Variants in HCRTR2 observed in about 807,000 individuals in gnomAD.
HCRTR2 encodes hypocretin receptor 2.
HCRTR2 carries 22 observed loss-of-function variants against 49.0 expected under a neutral mutation model. The observed-to-expected ratio is 0.45, with a 90% confidence interval of 0.32 to 0.64. HCRTR2 has a LOEUF of 0.64. HCRTR2 is among the 30% of genes least tolerant of loss of function. The pLI is 0.04. For synonymous variants in HCRTR2, 236 were observed against 205.3 expected (o/e 1.15, Z -1.28); for missense variants, 491 against 559.4 (o/e 0.88, Z 1.23).
chr6:55,175,492 T>A (rs9367621), intron 1 of HCRTR2, among the ~76,000 whole-genome samples: 92,160 of 151,814 alleles, frequency 0.61, 28,081 homozygotes, highest in East Asian at 0.68. Context: ...CCATTCATTC[T>A]TACATCCATT....
chr6:55,238,576 G>A (rs370261346), intron 1 of HCRTR2, among the ~76,000 whole-genome samples: 49 of 151,896 alleles, frequency 3.2e-4, no homozygotes, highest in African/African-American at 1.0e-3. Flanking sequence ...ACACACACAC[G>A]CTCACACACA....
intron 1 of HCRTR2, among the ~76,000 whole-genome samples, chr6:55,184,867 C>T (rs1765191695): frequency 6.6e-6 from 1 of 152,166 alleles, no homozygotes; most frequent in Non-Finnish European, 1.5e-5. Flanking sequence ...TTTGTCACTA[C>T]ATTGCTAGAA....
chr6:55,123,994 G>T (rs1367165150), intron 1 of HCRTR2, among the ~76,000 whole-genome samples: 1 of 151,912 alleles, frequency 6.6e-6, no homozygotes, highest in Admixed American at 6.6e-5. Context: ...TTTTTATTGT[G>T]TCTATTTGAT....
chr6:55,191,061 G>T (rs762970138), intron 1 of HCRTR2, among the ~76,000 whole-genome samples: 1 of 152,132 alleles, frequency 6.6e-6, no homozygotes, highest in Non-Finnish European at 1.5e-5. Context: ...TGGCAAGAAA[G>T]CAAGAAATTA....
chr6:55,236,309 C>G (rs1356779821), intron 1 of HCRTR2, among the ~76,000 whole-genome samples: 1 of 151,850 alleles, frequency 6.6e-6, no homozygotes, highest in Non-Finnish European at 1.5e-5. Context: ...TTAATAGAAA[C>G]ATAATTGATT....
chr6:55,176,078 G>C (rs1193181590), intron 1 of HCRTR2, among the ~76,000 whole-genome samples: 1 of 152,164 alleles, frequency 6.6e-6, no homozygotes, highest in Admixed American at 6.5e-5. Flanking sequence ...CAGGCTTTCA[G>C]ACTAACCTGA....
chr6:55,240,775 G>A (rs1044192308), intron 1 of HCRTR2: 2 of 426,516 alleles, frequency 4.7e-6, no homozygotes, highest in Non-Finnish European at 9.5e-6. Flanking sequence ...GATTTTGGAT[G>A]ACTGCATTCC....
At position 55,282,531 on chromosome 6, in the gene HCRTR2, C is replaced by A; in HGVS notation, c.*77C>A. 2.5e-6 allele frequency: 2 copies of A among 806,644 alleles called. No individual in the cohort carries two copies. Among genetic ancestry groups the A allele is most frequent in the Non-Finnish European group, 4.1e-6 (2 of 482,904 alleles). 50.0% of individuals were successfully genotyped at this position (806,644 alleles called of 1,614,324 possible). ...TCACTGGGAACAGAAATTTTATTAT[C>A]CTATGATGTGAAGCTAAAATTACTT... On this transcript the variant is annotated 3_prime_UTR_variant, in exon 7 of 7. Transcript: ENST00000370862.
At chr6:55,120,385 T>C (rs1470058922) in intron 1 of HCRTR2, among the ~76,000 whole-genome samples, 2 of 152,234 alleles carry the variant, frequency 1.3e-5, no homozygotes, top group Non-Finnish European at 2.9e-5. Flanking sequence ...TTCCTATCCA[T>C]GAGCATGGAA....
chr6:55,163,305 C>T (rs1018351589), intron 1 of HCRTR2, among the ~76,000 whole-genome samples: 1 of 151,694 alleles, frequency 6.6e-6, no homozygotes, highest in Admixed American at 6.6e-5. Context: ...TAAAAAAGAG[C>T]CCATATAGCC....
At chr6:55,123,566 G>A (rs1358989283) in intron 1 of HCRTR2, among the ~76,000 whole-genome samples, 2 of 152,038 alleles carry the variant, frequency 1.3e-5, no homozygotes, top group African/African-American at 4.8e-5. Flanking sequence ...ATGTTCATGA[G>A]GGATATTGGC....
At chr6:55,120,717 C>T (rs776588354) in intron 1 of HCRTR2, among the ~76,000 whole-genome samples, 21 of 151,918 alleles carry the variant, frequency 1.4e-4, no homozygotes, top group Non-Finnish European at 2.9e-4. Flanking sequence ...ATTTGACTTC[C>T]TCTCTTTCTA....
At chr6:55,223,103 C>CT (rs1354014774) in intron 1 of HCRTR2, among the ~76,000 whole-genome samples, 1 of 152,104 alleles carries the variant, frequency 6.6e-6, no homozygotes, top group Non-Finnish European at 1.5e-5. Context: ...TATAAACTAT[C>CT]TTTTTTTGTT....
intron 1 of HCRTR2, among the ~76,000 whole-genome samples, chr6:55,175,925 A>G (rs1765031799): frequency 6.6e-6 from 1 of 152,160 alleles, no homozygotes; most frequent in African/African-American, 2.4e-5. Context: ...GCTGAAAATG[A>G]CAGGAGATGG....
In HCRTR2 at chr6:55,238,655, G is replaced by C. The variant is rs549167443; in HGVS notation, c.224-9984G>C. ...TATAAGATGAAAACAGTTGTAGTCA[G>C]AGATTCTGGTATGCAAAGTAGGAGA... On this transcript the variant is annotated intron_variant, in intron 1 of 6. Coordinates refer to ENST00000370862, the MANE Select transcript of HCRTR2 (RefSeq NM_001384272.1). Among the ~76,000 whole-genome samples the C allele has an allele frequency of 5.3e-5, 8 of 152,284 alleles. 3 individuals are homozygous for C. Among genetic ancestry groups the C allele is most frequent in the African/African-American group, 1.9e-4 (8 of 41,568 alleles).
chr6:55,257,542 AT>A (rs1766676171), intron 3 of HCRTR2, among the ~76,000 whole-genome samples: 1 of 151,904 alleles, frequency 6.6e-6, no homozygotes, highest in Admixed American at 6.6e-5. Flanking sequence ...GTTTCCCTGA[AT>A]AATCAAGTAA....
intron 1 of HCRTR2, among the ~76,000 whole-genome samples, chr6:55,181,304 G>A (rs533184291): frequency 1.3e-5 from 2 of 152,054 alleles, no homozygotes; most frequent in Non-Finnish European, 2.9e-5. Flanking sequence ...AGTATAAAAT[G>A]TTTTCATTTC....
At chr6:55,129,789 A>ATGTCT (rs1764329412) in intron 1 of HCRTR2, among the ~76,000 whole-genome samples, 1 of 151,968 alleles carries the variant, frequency 6.6e-6, no homozygotes, top group African/African-American at 2.4e-5. Context: ...ATCTGATCAC[A>ATGTCT]TGTCTTCTCA....
At chr6:55,274,984 G>A (rs1767049831) in intron 4 of HCRTR2, among the ~76,000 whole-genome samples, 1 of 152,144 alleles carries the variant, frequency 6.6e-6, no homozygotes, top group Admixed American at 6.6e-5. Flanking sequence ...TTGTAGCATA[G>A]TTTGTAAGTA....
Sources: allele counts gnomAD v4.1 joint callset (sites outside exome capture counted in the v4.1 genomes callset), GRCh38; gene constraint gnomAD v4.1.1; transcripts MANE v1.5; gene names NCBI Gene and HGNC (gene_info 2026-07-23, HGNC 2026-07-21).